Variants in SEC24C observed in about 807,000 individuals in gnomAD.
The protein encoded by SEC24C is SEC24 homolog C, COPII component, also known as protein transport protein Sec24C.
Under a neutral mutation model 117.0 loss-of-function variants are expected in SEC24C, and 22 were observed. The ratio of observed to expected loss-of-function variants is 0.19; its 90% CI spans 0.13 to 0.27. SEC24C has a LOEUF of 0.27. Among genes scored for constraint, SEC24C ranks in the 10% least tolerant of loss-of-function variants. The pLI, the probability that SEC24C is intolerant of heterozygous loss-of-function variation, is 1.00. For missense variants in SEC24C, 1,155 were observed against 1,375.1 expected, an observed-to-expected ratio of 0.84 and a Z score of 2.53; for synonymous variants, 506 against 529.4, an observed-to-expected ratio of 0.96 and a Z score of 0.61.
Position 73,770,183 on chromosome 10 carries a change from G to A in SEC24C, c.2863-97G>A, listed in dbSNP as rs938283238. ...TTACTGAGACCCCAGAAGGGGTGGTGTCTGAGGACTTAGCTTTCAAAATTT... is the reference window on the plus strand; with the variant it reads ...TTACTGAGACCCCAGAAGGGGTGGTATCTGAGGACTTAGCTTTCAAAATTT... On this transcript the variant is annotated intron_variant, in intron 20 of 22. Coordinates refer to ENST00000345254, the MANE Select transcript of SEC24C (RefSeq NM_198597.3). 5.3e-6 allele frequency: 7 copies of A among 1,312,838 alleles called. No homozygotes were observed. In the African/African-American group the frequency reaches 1.0e-4, roughly 19 times the overall value. 81.3% of individuals were successfully genotyped at this position (1,312,838 alleles called of 1,614,324 possible). A position where few individuals can be genotyped will look rare whatever the true frequency, so the allele number is the denominator to read the frequency against.
Position 73,767,884 on chromosome 10 carries a change from G to C in SEC24C, c.2058G>C (p.Glu686Asp). ...GTGCCTATCAGACCCTGGCCAAAGA[G>C]TGTGTGGCCCAAGGCTGCTGTGTAG... ...QTGAYQTLAK[E>D]CVAQGCCVDL... The change falls in exon 15 of 23, where the codon GAG (glutamate) becomes GAC (aspartate). Residue 686 changes from glutamate (E) to aspartate (D), a missense_variant. Glu to Asp is a conservative substitution (Grantham distance 45, BLOSUM62 2). Around this residue, in one of 2 missense-constraint regions of SEC24C, gnomAD observed 759 missense variants for 992.3 expected, o/e 0.76. Transcript: ENST00000345254. The C allele has an allele frequency of 6.2e-7, 1 of 1,613,706 alleles. No homozygotes were observed.
In SEC24C at chr10:73,769,331, T is replaced by C. The variant is rs976616558; in HGVS notation, c.2425-16T>C. On this transcript the variant is annotated splice_polypyrimidine_tract_variant and intron_variant, in intron 17 of 22. Coordinates refer to ENST00000345254, the MANE Select transcript of SEC24C (RefSeq NM_198597.3). The surrounding 1 kb of genome is among the most constrained non-coding windows in gnomAD (Gnocchi z 4.5). The stretch of plus-strand genomic sequence containing the variant: ...TGAGGGAGGGGTGTGAGTTCCCCCT[T>C]TCTCCTTTCCCCTAGTGTGCCCTGC... The C allele has an allele frequency of 1.2e-6, 2 of 1,613,242 alleles. No homozygotes were observed. The highest frequency in any genetic ancestry group is 1.7e-5 in the Admixed American group (1 of 59,906).
In SEC24C at chr10:73,766,123, T is replaced by C; in HGVS notation, c.1520T>C (p.Met507Thr). 6.2e-7 allele frequency: 1 copy of C among 1,613,792 alleles called. No individual in the cohort carries two copies. The highest frequency in any genetic ancestry group is 8.5e-7 in the Non-Finnish European group (1 of 1,180,006). The change falls in exon 11 of 23, where the codon ATG (methionine) becomes ACG (threonine). Residue 507 changes from methionine (M) to threonine (T), a missense_variant. Around this residue, in one of 2 missense-constraint regions of SEC24C, gnomAD observed 759 missense variants for 992.3 expected, o/e 0.76. Coordinates refer to ENST00000345254, the MANE Select transcript of SEC24C (RefSeq NM_198597.3). Reference sequence around the variant, plus strand: ...CCCAGCCCTCCTGCCTTTATCTTCATGATTGACGTCTCCTACAATGCCATC... The same window carrying C: ...CCCAGCCCTCCTGCCTTTATCTTCACGATTGACGTCTCCTACAATGCCATC... ...KFPSPPAFIF[M>T]IDVSYNAIRT... is the part of the protein sequence containing the mutation.
In SEC24C at chr10:73,770,342, A is replaced by G. The variant is rs1303670591; in HGVS notation, c.2925A>G (p.Leu975=). The G allele has an allele frequency of 6.2e-7, 1 of 1,613,704 alleles. No individual in the cohort carries two copies. Among genetic ancestry groups the G allele is most frequent in the Admixed American group, 1.7e-5 (1 of 59,976 alleles). The part of the protein sequence containing the change: ...PPAVRASEER[L]SNGDIYLLEN... ...CAGTTCGAGCCTCTGAAGAGCGTCT[A>G]AGCAATGGGGATATATATTTACTGG... Residue 975 remains leucine, a synonymous_variant, in exon 21 of 23, where the codon CTA becomes CTG. Transcript: ENST00000345254.
chr10:73,749,881 G>A (rs907494275), intron 2 of SEC24C, among the ~76,000 whole-genome samples: 1 of 152,148 alleles, frequency 6.6e-6, no homozygotes, highest in Non-Finnish European at 1.5e-5. Flanking sequence ...GTACTCTACC[G>A]ATTCTCCAGA....
intron 22 of SEC24C, 31 bp downstream of exon 22, chr10:73,770,829 C>A: frequency 6.2e-7 from 1 of 1,612,824 alleles, no homozygotes; most frequent in Non-Finnish European, 8.5e-7. Context: ...GGATTTCTTA[C>A]CTTGTCAAGT....
Position 73,771,205 on chromosome 10 carries a change from T to TG in SEC24C, c.*116dup, listed in dbSNP as rs1003583356. On this transcript the variant is annotated 3_prime_UTR_variant, in exon 23 of 23. Coordinates refer to ENST00000345254, the MANE Select transcript of SEC24C (RefSeq NM_198597.3). ...TTATGTAAGCTGACCTCAGTCTCTC[T>TG]GGGGGGAGGGGGAGATATAAGGAGA... is the stretch of plus-strand genomic sequence containing the variant. 3.1e-6 allele frequency: 4 copies of TG among 1,282,914 alleles called. No individual in the cohort carries two copies. The highest frequency in any genetic ancestry group is 3.0e-5 in the African/African-American group (2 of 67,084). The allele number at this position is 1,282,914 out of a possible 1,614,324, so 79.5% of individuals were successfully genotyped here.
At position 73,769,032 on chromosome 10, in the gene SEC24C, A is replaced by C. The variant is rs1455506556; in HGVS notation, c.2304A>C (p.Gly768=). The change falls in exon 17 of 23, where the codon GGA becomes GGC. Residue 768 remains glycine (G), a synonymous_variant. Coordinates refer to ENST00000345254, the MANE Select transcript of SEC24C (RefSeq NM_198597.3). This position sits in a 1 kb window ranked among gnomAD's most constrained non-coding sequence, Gnocchi z 4.5. Reference sequence around the variant, plus strand: ...GTATCCGTGCTGTAGATTTCTTTGGAGCTTTCTACATGAGCAACACGACAG... The same window carrying C: ...GTATCCGTGCTGTAGATTTCTTTGGCGCTTTCTACATGAGCAACACGACAG... ...STGIRAVDFF[G]AFYMSNTTDV... 1.2e-6 allele frequency: 2 copies of C among 1,614,038 alleles called. No homozygotes were observed. The highest frequency in any genetic ancestry group is 3.3e-5 in the Admixed American group (2 of 59,994).
chr10:73,760,710 C>T lies in SEC24C; in HGVS notation c.851-3C>T, dbSNP rs1239763645. 2 of 1,586,930 alleles carry T rather than the reference C, an allele frequency of 1.3e-6. No homozygotes were observed. Among genetic ancestry groups the T allele is most frequent in the Non-Finnish European group, 1.7e-6 (2 of 1,168,840 alleles). Reference sequence around the variant, plus strand: ...GTTCATCAACCTTGTGTCCTTGTCTCAGGTTCCTTCGGACCAGCCCGGGGC... The same window carrying T: ...GTTCATCAACCTTGTGTCCTTGTCTTAGGTTCCTTCGGACCAGCCCGGGGC... On this transcript the variant is annotated splice_polypyrimidine_tract_variant and splice_region_variant and intron_variant, in intron 5 of 22. Coordinates refer to ENST00000345254, the MANE Select transcript of SEC24C (RefSeq NM_198597.3).
At position 73,765,891 on chromosome 10, in the gene SEC24C, C is replaced by T. The variant is rs756269013; in HGVS notation, c.1458C>T (p.Phe486=). Reference sequence around the variant, plus strand: ...AGCTATCCCTGGGCTCTTATGAATTCTTGGCCACTGTAGATTACTGCAAGG... The same window carrying T: ...AGCTATCCCTGGGCTCTTATGAATTTTTGGCCACTGTAGATTACTGCAAGG... ...RPELSLGSYE[F]LATVDYCKNN... is the part of the protein sequence containing the mutation. Residue 486 remains phenylalanine, a synonymous_variant, in exon 10 of 23, where the codon TTC becomes TTT. Transcript: ENST00000345254. 1 of 1,614,044 alleles carries T rather than the reference C, an allele frequency of 6.2e-7. No homozygotes were observed. The highest frequency in any genetic ancestry group is 8.5e-7 in the Non-Finnish European group (1 of 1,179,932).
At chr10:73,758,909 CAGAG>C (rs1223088393) in intron 3 of SEC24C, among the ~76,000 whole-genome samples, 1 of 151,916 alleles carries the variant, frequency 6.6e-6, no homozygotes, top group African/African-American at 2.4e-5. Context: ...TGGGAATAAT[CAGAG>C]AGGGAGACAC....
rs754068648 is a variant in SEC24C, at chr10:73,768,868, T to C, written c.2240T>C (p.Val747Ala). 10 of 1,613,986 alleles carry C rather than the reference T, an allele frequency of 6.2e-6. No individual in the cohort carries two copies. Among genetic ancestry groups the C allele is most frequent in the Non-Finnish European group, 8.5e-6 (10 of 1,180,036 alleles). Residue 747 changes from valine to alanine, a missense_variant, in exon 16 of 23, where the codon GTT becomes GCT. Val to Ala is a moderately conservative substitution (Grantham distance 64, BLOSUM62 0). Around this residue, in one of 2 missense-constraint regions of SEC24C, gnomAD observed 759 missense variants for 992.3 expected, o/e 0.76. Transcript: ENST00000345254. ...SDLRRDVQKV[V>A]GFDAVMRVRT... is the part of the protein sequence containing the mutation. ...CTGCGTCGTGATGTCCAGAAGGTTGTTGGCTTTGATGCTGTGATGCGGGTC... is the reference window on the plus strand; with the variant it reads ...CTGCGTCGTGATGTCCAGAAGGTTGCTGGCTTTGATGCTGTGATGCGGGTC...
intron 8 of SEC24C, among the ~76,000 whole-genome samples, chr10:73,764,955 T>C (rs984421445): frequency 1.6e-4 from 24 of 152,230 alleles, no homozygotes; most frequent in Non-Finnish European, 3.2e-4. Context: ...TTGGGGATAG[T>C]TGGGCACTGG....
At chr10:73,767,535 GCA>G (rs1002037189) in intron 14 of SEC24C, among the ~76,000 whole-genome samples, 1 of 152,044 alleles carries the variant, frequency 6.6e-6, no homozygotes, top group African/African-American at 2.4e-5. Context: ...AGGTGTGGTG[GCA>G]CACACCTGTA....
intron 3 of SEC24C, among the ~76,000 whole-genome samples, chr10:73,757,382 C>G (rs2082725919): frequency 6.7e-6 from 1 of 148,394 alleles, no homozygotes; most frequent in Non-Finnish European, 1.5e-5. Context: ...AATAGCTGAG[C>G]ATTGTTGGTG....
At position 73,770,438 on chromosome 10, in the gene SEC24C, C is replaced by T. The variant is rs368062719; in HGVS notation, c.3021C>T (p.Ser1007=). 15 of 1,613,940 alleles carry T rather than the reference C, an allele frequency of 9.3e-6. No individual in the cohort carries two copies. The highest frequency in any genetic ancestry group is 8.3e-5 in the Admixed American group (5 of 59,998). The change falls in exon 21 of 23, where the codon AGC becomes AGT. Residue 1007 remains serine (S), a synonymous_variant. Coordinates refer to ENST00000345254, the MANE Select transcript of SEC24C (RefSeq NM_198597.3). ...AGGGTGTTGTCCAGAGCCTTTTCAGCGTCTCCTCCTTCAGTCAGATCACCA... is the reference window on the plus strand; with the variant it reads ...AGGGTGTTGTCCAGAGCCTTTTCAGTGTCTCCTCCTTCAGTCAGATCACCA... The part of the protein sequence containing the change: ...VQQGVVQSLF[S]VSSFSQITSG...
intron 6 of SEC24C, chr10:73,762,187 T>C: frequency 7.8e-7 from 1 of 1,287,294 alleles, no homozygotes; most frequent in Non-Finnish European, 1.0e-6. Flanking sequence ...GGGGTGGGTG[T>C]TTGTGCATGT....
chr10:73,753,878 G>A (rs1390775000), intron 3 of SEC24C, among the ~76,000 whole-genome samples: 1 of 152,022 alleles, frequency 6.6e-6, no homozygotes, highest in Non-Finnish European at 1.5e-5. Flanking sequence ...TGTCCAACTT[G>A]TGGCCCACAG....
chr10:73,750,965 G>A, intron 2 of SEC24C, 143 bp from the exon 3 acceptor site: 1 of 792,836 alleles, frequency 1.3e-6, no homozygotes, highest in East Asian at 2.6e-5. Flanking sequence ...ACAGTTGTAT[G>A]CTGGTAGTGT....
Sources: allele counts gnomAD v4.1 joint callset (sites outside exome capture counted in the v4.1 genomes callset), GRCh38; gene constraint gnomAD v4.1.1; regional missense constraint gnomAD v4.1.1; non-coding constraint Gnocchi (gnomAD v3.1); transcripts MANE v1.5; gene names NCBI Gene and HGNC (gene_info 2026-07-23, HGNC 2026-07-21).